The following ZNF341 variants were observed in gnomAD, a reference collection of about 807,000 sequenced individuals.
ZNF341 encodes zinc finger protein 341.
ZNF341 carries 52 observed loss-of-function variants against 87.7 expected under a neutral mutation model. That is an observed-to-expected ratio of 0.59 (90% confidence interval 0.47 to 0.75). The LOEUF is 0.75. ZNF341 is among the 30% of genes least tolerant of loss of function. The probability of loss-of-function intolerance (pLI) is 0.00; values close to 1 mark genes in which losing one functional copy is unlikely to be tolerated. For synonymous variants in ZNF341, 459 were observed against 472.7 expected (o/e 0.97, Z 0.38); for missense variants, 977 against 1,145.9 (o/e 0.85, Z 2.13).
At chr20:33,784,634 A>G (rs1391273366) in intron 12 of ZNF341, among the ~76,000 whole-genome samples, 5 of 145,492 alleles carry the variant, frequency 3.4e-5, no homozygotes, top group Non-Finnish European at 6.0e-5. Flanking sequence ...TTTTTCTTTG[A>G]GACAAAGTCT....
At chr20:33,743,190 C>G (rs1018365342) in intron 2 of ZNF341, among the ~76,000 whole-genome samples, 1 of 152,026 alleles carries the variant, frequency 6.6e-6, no homozygotes, top group East Asian at 1.9e-4. Flanking sequence ...TGCCACCACA[C>G]CCGGCTAATT....
chr20:33,790,858 G>C (rs563695936), intron 14 of ZNF341, 130 bp from the exon 15 acceptor site: 1 of 1,120,244 alleles, frequency 8.9e-7, no homozygotes, highest in East Asian at 2.6e-5. Flanking sequence ...CAGACGACGA[G>C]GGTGGAGAGA....
intron 11 of ZNF341, 55 bp downstream of exon 11, chr20:33,781,442 T>G (rs547676530): frequency 1.3e-6 from 2 of 1,515,214 alleles, no homozygotes; most frequent in African/African-American, 2.7e-5. Flanking sequence ...GGCAAGGAGG[T>G]GGGGTGGGGT....
intron 10 of ZNF341, among the ~76,000 whole-genome samples, chr20:33,773,082 G>A (rs1161008047): frequency 6.6e-6 from 1 of 152,170 alleles, no homozygotes; most frequent in Non-Finnish European, 1.5e-5. Context: ...CAAGTAAAGG[G>A]AAGGAAGCAC....
chr20:33,782,465 T>G (rs2019765055), intron 11 of ZNF341, among the ~76,000 whole-genome samples: 1 of 152,238 alleles, frequency 6.6e-6, no homozygotes, highest in South Asian at 2.1e-4. Flanking sequence ...CAACCATATG[T>G]GGCAGATTTT....
At chr20:33,753,870 C>T (rs1344082786) in intron 5 of ZNF341, among the ~76,000 whole-genome samples, 1 of 152,148 alleles carries the variant, frequency 6.6e-6, no homozygotes, top group Admixed American at 6.6e-5. Context: ...TTATTATTCA[C>T]GTGTTTACAG....
chr20:33,764,543 G>GTGTGTGTATA (rs1332743148), intron 8 of ZNF341, among the ~76,000 whole-genome samples: 1 of 69,334 alleles, frequency 1.4e-5, no homozygotes, highest in African/African-American at 6.8e-5. Flanking sequence ...GTGTGTATGT[G>GTGTGTGTATA]TATATATATA....
chr20:33,749,147 T>C, intron 4 of ZNF341, 75 bp downstream of exon 4: 1 of 1,537,982 alleles, frequency 6.5e-7, no homozygotes, highest in African/African-American at 1.4e-5. Flanking sequence ...CAGAATCTTG[T>C]AGAATAAAGG....
chr20:33,746,032 G>A (rs2018912361), intron 3 of ZNF341, among the ~76,000 whole-genome samples: 1 of 148,728 alleles, frequency 6.7e-6, no homozygotes, highest in Admixed American at 6.9e-5. Flanking sequence ...CTGGGTTCAC[G>A]CCATTCTCCT....
At chr20:33,761,795 T>C in intron 7 of ZNF341, 67 bp from the exon 8 acceptor site, 2 of 1,328,656 alleles carry the variant, frequency 1.5e-6, no homozygotes, top group Non-Finnish European at 2.0e-6. Flanking sequence ...CTTGTGGCTG[T>C]GAGCTCCTGG....
intron 2 of ZNF341, 23 bp downstream of exon 2, chr20:33,741,035 CG>C: frequency 6.2e-7 from 1 of 1,606,440 alleles, no homozygotes; most frequent in Non-Finnish European, 8.5e-7. Context: ...TCAGGTTCAC[CG>C]GTGGGAGAGT....
rs972260992 is a variant in ZNF341 at position 33,758,753 on chromosome 20, A to C, written c.975A>C (p.Ser325=). 1 of 1,614,006 alleles carries C rather than the reference A, an allele frequency of 6.2e-7. No individual in the cohort carries two copies. Among genetic ancestry groups the C allele is most frequent in the African/African-American group, 1.3e-5 (1 of 75,048 alleles). Residue 325 remains serine (S), a synonymous_variant, in exon 7 of 15, where the codon TCA becomes TCC. Transcript: ENST00000375200. ...CAAAGGCTCAGAAACTCAAGTGCTCATACTGTGACAAGTCATTCACCAAAA... is the reference window on the plus strand; with the variant it reads ...CAAAGGCTCAGAAACTCAAGTGCTCCTACTGTGACAAGTCATTCACCAAAA... ...GKPKAQKLKC[S]YCDKSFTKNF... is the part of the protein sequence containing the mutation.
At chr20:33,764,634 G>A (rs1413854188) in intron 8 of ZNF341, among the ~76,000 whole-genome samples, 1 of 132,596 alleles carries the variant, frequency 7.5e-6, no homozygotes, top group Non-Finnish European at 1.6e-5. Flanking sequence ...GTGCAGTGGT[G>A]CGATCTTGGC....
At chr20:33,764,543 GTA>G (rs1171402724) in intron 8 of ZNF341, among the ~76,000 whole-genome samples, 6,462 of 69,276 alleles carry the variant, frequency 0.093, 661 homozygotes, top group East Asian at 0.18. Context: ...GTGTGTATGT[GTA>G]TATATATATA....
At chr20:33,782,762 C>T (rs1460177449) in intron 11 of ZNF341, among the ~76,000 whole-genome samples, 2 of 152,232 alleles carry the variant, frequency 1.3e-5, no homozygotes. Flanking sequence ...GACCAACGCT[C>T]TACCAAAATG....
chr20:33,767,568 T>C (rs1422925004), intron 9 of ZNF341, among the ~76,000 whole-genome samples: 1 of 152,114 alleles, frequency 6.6e-6, no homozygotes, highest in Non-Finnish European at 1.5e-5. Flanking sequence ...TGTGTCTGGC[T>C]GGTGGTCACT....
chr20:33,789,063 G>A, intron 13 of ZNF341, 89 bp downstream of exon 13: 1 of 1,000,344 alleles, frequency 1.0e-6, no homozygotes, highest in South Asian at 1.6e-5. Context: ...TGTCAGGCCT[G>A]AGGGCAGGCC....
At chr20:33,772,012 A>AAAAG (rs2019543608) in intron 10 of ZNF341, among the ~76,000 whole-genome samples, 1 of 137,496 alleles carries the variant, frequency 7.3e-6, no homozygotes, top group African/African-American at 2.9e-5. Flanking sequence ...GCTTGTCTTA[A>AAAAG]AAAAAAAAAA....
chr20:33,740,363 T>C (rs2018773507), intron 1 of ZNF341, among the ~76,000 whole-genome samples: 1 of 152,188 alleles, frequency 6.6e-6, no homozygotes, highest in South Asian at 2.1e-4. Flanking sequence ...CAGAACTTAG[T>C]CATTCCCTAA....
Sources: gnomAD v4.1 joint callset for allele counts (sites outside exome capture counted in the v4.1 genomes callset) on GRCh38, gnomAD v4.1.1 for gene constraint, MANE v1.5 for transcripts, NCBI Gene and HGNC (gene_info 2026-07-23, HGNC 2026-07-21) for gene names.